Variants in HCRTR2 observed in about 807,000 individuals in gnomAD.
The protein encoded by HCRTR2 is hypocretin receptor 2.
Under a neutral mutation model 49.0 loss-of-function variants are expected in HCRTR2, and 22 were observed. That is an observed-to-expected ratio of 0.45 (90% CI 0.32 to 0.64). HCRTR2 has a LOEUF of 0.64. Among genes scored for constraint, HCRTR2 ranks in the 30% least tolerant of loss-of-function variants. The probability of loss-of-function intolerance (pLI) is 0.04; values close to 1 mark genes in which losing one functional copy is unlikely to be tolerated. For missense variants in HCRTR2, 491 were observed against 559.4 expected, an observed-to-expected ratio of 0.88 and a Z score of 1.23; for synonymous variants, 236 against 205.3, an observed-to-expected ratio of 1.15 and a Z score of -1.28.
At chr6:55,260,648 A>C (rs1042392366) in intron 3 of HCRTR2, among the ~76,000 whole-genome samples, 2 of 152,136 alleles carry the variant, frequency 1.3e-5, no homozygotes, top group African/African-American at 4.8e-5. Context: ...CATCTAAACC[A>C]AAAGAGAAGA....
At chr6:55,167,221 G>T (rs566243506) in intron 1 of HCRTR2, among the ~76,000 whole-genome samples, 2 of 152,238 alleles carry the variant, frequency 1.3e-5, no homozygotes, top group Non-Finnish European at 2.9e-5. Context: ...TCCACACAAG[G>T]TGGGATCGCT....
chr6:55,279,496 A>C (rs1189882586), intron 5 of HCRTR2, among the ~76,000 whole-genome samples: 1 of 138,208 alleles, frequency 7.2e-6, no homozygotes, highest in Non-Finnish European at 1.5e-5. Flanking sequence ...CCAGAAATGC[A>C]TTGTTGTCAT....
intron 1 of HCRTR2, among the ~76,000 whole-genome samples, chr6:55,151,399 T>A (rs1187591869): frequency 6.6e-6 from 1 of 152,068 alleles, no homozygotes; most frequent in Non-Finnish European, 1.5e-5. Context: ...GTTCACAGCA[T>A]CTTTACTAAA....
chr6:55,272,457 G>A (rs1367361922), intron 4 of HCRTR2, among the ~76,000 whole-genome samples: 1 of 152,078 alleles, frequency 6.6e-6, no homozygotes, highest in East Asian at 1.9e-4. Flanking sequence ...GCACAACTCT[G>A]TGAATATTCT....
intron 4 of HCRTR2, among the ~76,000 whole-genome samples, chr6:55,269,751 G>C (rs1766935659): frequency 2.0e-5 from 3 of 152,086 alleles, no homozygotes; most frequent in Admixed American, 1.3e-4. Context: ...ATGAGGCCAG[G>C]AGATCAAGAC....
At chr6:55,262,625 A>G (rs71562804) in intron 3 of HCRTR2, among the ~76,000 whole-genome samples, 1 of 138,216 alleles carries the variant, frequency 7.2e-6, no homozygotes, top group Non-Finnish European at 1.5e-5. Flanking sequence ...ATATTAATAT[A>G]CAATATATAA....
At chr6:55,155,950 A>G (rs993155360) in intron 1 of HCRTR2, among the ~76,000 whole-genome samples, 1 of 151,936 alleles carries the variant, frequency 6.6e-6, no homozygotes, top group African/African-American at 2.4e-5. Context: ...TTCTACTTCT[A>G]AGCTGTGTGA....
intron 1 of HCRTR2, among the ~76,000 whole-genome samples, chr6:55,209,947 C>T (rs1334744724): frequency 6.6e-6 from 1 of 152,084 alleles, no homozygotes; most frequent in Non-Finnish European, 1.5e-5. Flanking sequence ...AAGTGAGCTC[C>T]TGCATAGAGC....
chr6:55,155,205 T>A (rs1764714976), intron 1 of HCRTR2, among the ~76,000 whole-genome samples: 1 of 151,770 alleles, frequency 6.6e-6, no homozygotes, highest in Admixed American at 6.6e-5. Flanking sequence ...TTTTTTTTTT[T>A]ACAGAAATGA....
At chr6:55,264,710 T>C (rs562949567) in intron 4 of HCRTR2, among the ~76,000 whole-genome samples, 1 of 152,218 alleles carries the variant, frequency 6.6e-6, no homozygotes, top group South Asian at 2.1e-4. Flanking sequence ...TGGCTCAGTC[T>C]CTCCCATTTT....
intron 1 of HCRTR2, among the ~76,000 whole-genome samples, chr6:55,165,608 A>G (rs1045613438): frequency 6.6e-6 from 1 of 151,826 alleles, no homozygotes; most frequent in Non-Finnish European, 1.5e-5. Context: ...ACAAAAGAAA[A>G]CATGAATAAA....
intron 4 of HCRTR2, among the ~76,000 whole-genome samples, chr6:55,275,116 C>G (rs1452630087): frequency 6.6e-6 from 1 of 152,154 alleles, no homozygotes; most frequent in Admixed American, 6.5e-5. Flanking sequence ...TTCCTCATAA[C>G]TTTATCCTGG....
chr6:55,122,941 G>A (rs1764222075), intron 1 of HCRTR2, among the ~76,000 whole-genome samples: 1 of 136,130 alleles, frequency 7.3e-6, no homozygotes, highest in South Asian at 2.5e-4. Context: ...CACAAGAAGG[G>A]GAACATCACA....
At chr6:55,173,849 T>G (rs1241692577), upstream of HCRTR2, among the ~76,000 whole-genome samples, 5 of 152,238 alleles carry the variant, frequency 3.3e-5, no homozygotes, top group Non-Finnish European at 7.3e-5. Context: ...AAGACGGAGA[T>G]GTCTTAAAGA....
rs527437368 is a variant in HCRTR2 at position 55,263,771 on chromosome 6, T to C, written c.711T>C (p.Cys237=). ...TGGTGACATACATGGCACCACTGTG[T>C]CTCATGGTGTTGGCTTATCTGCAAA... ...FFLVTYMAPL[C]LMVLAYLQIF... Residue 237 remains cysteine, a synonymous_variant, in exon 4 of 7, where the codon TGT becomes TGC. Transcript: ENST00000370862. The C allele has an allele frequency of 1.2e-6, 2 of 1,612,998 alleles. No homozygotes were observed. The highest frequency in any genetic ancestry group is 1.3e-5 in the African/African-American group (1 of 74,986).
chr6:55,110,155 A>G (rs540966403), intron 1 of HCRTR2, among the ~76,000 whole-genome samples: 44 of 152,134 alleles, frequency 2.9e-4, no homozygotes, highest in Non-Finnish European at 6.2e-4. Flanking sequence ...TCTTTTCCAG[A>G]CTAATAAATG....
At chr6:55,256,051 T>C (rs1271459412) in intron 3 of HCRTR2, among the ~76,000 whole-genome samples, 1 of 152,192 alleles carries the variant, frequency 6.6e-6, no homozygotes, top group Non-Finnish European at 1.5e-5. Context: ...TGGTTAGAAA[T>C]TCTTAGAGTC....
chr6:55,120,647 T>G (rs1010406783), intron 1 of HCRTR2, among the ~76,000 whole-genome samples: 3 of 151,040 alleles, frequency 2.0e-5, no homozygotes, highest in Non-Finnish European at 1.5e-5. Flanking sequence ...TTACGGAGAT[T>G]TGGAGCTGAG....
chr6:55,215,929 T>C (rs1765778820), intron 1 of HCRTR2, among the ~76,000 whole-genome samples: 1 of 152,214 alleles, frequency 6.6e-6, no homozygotes, highest in Non-Finnish European at 1.5e-5. Flanking sequence ...TTCCTGCAGT[T>C]CTGGAGGCTG....
Sources: gnomAD v4.1 joint callset for allele counts (sites outside exome capture counted in the v4.1 genomes callset) on GRCh38, gnomAD v4.1.1 for gene constraint, MANE v1.5 for transcripts, NCBI Gene and HGNC (gene_info 2026-07-23, HGNC 2026-07-21) for gene names.